The following ADCY7 variants were observed in gnomAD, a reference collection of about 807,000 sequenced individuals.
ADCY7 encodes the protein adenylate cyclase 7.
A neutral mutation model predicts 120.6 loss-of-function variants in ADCY7; 72 were observed. The observed-to-expected ratio is 0.60, with a 90% CI of 0.49 to 0.73. ADCY7 has a LOEUF of 0.73. ADCY7 is among the 30% of genes least tolerant of loss of function. The pLI is 0.00. For synonymous variants in ADCY7, 661 were observed against 628.0 expected (o/e 1.05, Z -0.78); for missense variants, 1,227 against 1,486.0 (o/e 0.83, Z 2.87).
rs75930568 is a variant in ADCY7, at chr16:50,290,507, G to A, written c.222G>A (p.Ala74=). Residue 74 remains alanine, a synonymous_variant, in exon 3 of 26, where the codon GCG becomes GCA. Coordinates refer to ENST00000673801, the MANE Select transcript of ADCY7 (RefSeq NM_001114.5). The stretch of plus-strand genomic sequence containing the variant: ...TGGGCATGGCGTTCCTGGTGCTGGC[G>A]GTGTTTGCGGCCCTCTCTGTGCTGA... The part of the protein sequence containing the change: ...AILGMAFLVL[A]VFAALSVLMY... The A allele has an allele frequency of 1.6e-5, 26 of 1,614,216 alleles. No individual in the cohort carries two copies. Among genetic ancestry groups the A allele is most frequent in the Non-Finnish European group, 1.9e-5 (23 of 1,180,040 alleles).
intron 1 of ADCY7, among the ~76,000 whole-genome samples, chr16:50,246,883 C>G (rs1052752759): frequency 1.3e-5 from 2 of 152,208 alleles, no homozygotes; most frequent in Non-Finnish European, 2.9e-5. Flanking sequence ...TGTCTCAGGT[C>G]CCCTCCCTCA....
At chr16:50,255,402 G>GGAAA (rs368044444) in intron 1 of ADCY7, among the ~76,000 whole-genome samples, 1 of 108,142 alleles carries the variant, frequency 9.2e-6, no homozygotes, top group African/African-American at 3.7e-5. Flanking sequence ...TCTGTTTCTG[G>GGAAA]AAAAAAAAAA....
chr16:50,269,670 T>A (rs1462109943), intron 1 of ADCY7, among the ~76,000 whole-genome samples: 1 of 152,170 alleles, frequency 6.6e-6, no homozygotes, highest in African/African-American at 2.4e-5. Context: ...CTTGCCTCCC[T>A]CCTGCTGTCC....
In ADCY7 at chr16:50,305,490, T is replaced by C; in HGVS notation, c.1596-13T>C. 1 of 1,612,396 alleles carries C rather than the reference T, an allele frequency of 6.2e-7. No homozygotes were observed. Among genetic ancestry groups the C allele is most frequent in the Non-Finnish European group, 8.5e-7 (1 of 1,178,960 alleles). On this transcript the variant is annotated splice_polypyrimidine_tract_variant and intron_variant, in intron 12 of 25. Transcript: ENST00000673801. ...GTCGCTGTGCTGATGCAGTTGTGGG[T>C]ATCTGATTCCAGAAGCATGTCCCCC...
Position 50,305,538 on chromosome 16 carries a change from C to G in ADCY7, c.1631C>G (p.Ser544Trp). 1 of 1,609,368 alleles carries G rather than the reference C, an allele frequency of 6.2e-7. No individual in the cohort carries two copies. Among genetic ancestry groups the G allele is most frequent in the Non-Finnish European group, 8.5e-7 (1 of 1,177,554 alleles). ...CCCAAGGGGCGGTCGGAGGATGACT[C>G]GTACGATGACGAGATGCTGTCAGCC... ...MSPKGRSEDD[S>W]YDDEMLSAIE... is the part of the protein sequence containing the mutation. Residue 544 changes from serine to tryptophan, a missense_variant, in exon 13 of 26, where the codon TCG becomes TGG. Ser to Trp is a radical substitution (Grantham distance 177). Around this residue, in one of 5 missense-constraint regions of ADCY7, gnomAD observed 332 missense variants for 455.8 expected, o/e 0.73. Transcript: ENST00000673801.
At chr16:50,304,285 G>C (rs920428233) in intron 10 of ADCY7, 75 bp from the exon 11 acceptor site, 1 of 1,322,768 alleles carries the variant, frequency 7.6e-7, no homozygotes, top group Non-Finnish European at 9.8e-7. Context: ...AGGGAGAGCT[G>C]GATGGGGATG....
In ADCY7 at chr16:50,316,268, G is replaced by A. The variant is rs1230558931; in HGVS notation, c.*763G>A. ...GGGGTCAGCTGGCTGTGGGGATAGA[G>A]TCCTGAGGAATGTGGTCACAGCAAG... is the stretch of plus-strand genomic sequence containing the variant. On this transcript the variant is annotated 3_prime_UTR_variant, in exon 26 of 26. Transcript: ENST00000673801. The A allele has an allele frequency of 6.6e-6, 1 of 152,460 alleles. No individual in the cohort carries two copies. The highest frequency in any genetic ancestry group is 1.5e-5 in the Non-Finnish European group (1 of 68,098). 9.4% of individuals were successfully genotyped at this position (152,460 alleles called of 1,614,324 possible).
chr16:50,271,028 C>T (rs1342231761), intron 1 of ADCY7, among the ~76,000 whole-genome samples: 2 of 152,244 alleles, frequency 1.3e-5, no homozygotes, highest in Admixed American at 1.3e-4. Flanking sequence ...CTGGCCACAT[C>T]ATGGCTAGGG....
rs370135791 is a variant in ADCY7 at position 50,257,107 on chromosome 16, C to T, written c.-64+10904C>T. On this transcript the variant is annotated intron_variant, in intron 1 of 4. Transcript: ENST00000564044. ...GAATCCAAGAAATCTAGGCTGTGTG[C>T]GGTGGCTCATGCCTGTCATCTCAGC... 3.5e-4 allele frequency among the ~76,000 whole-genome samples: 54 copies of T among 152,120 alleles called. No individual in the cohort carries two copies. In the East Asian group the frequency reaches 5.0e-3, roughly 14 times the overall value.
chr16:50,250,115 G>A (rs995346087), intron 1 of ADCY7, among the ~76,000 whole-genome samples: 2 of 152,216 alleles, frequency 1.3e-5, no homozygotes, highest in East Asian at 3.9e-4. Flanking sequence ...TATCTCAAAG[G>A]CCAAGGATTT....
chr16:50,256,452 C>T (rs989936939), intron 1 of ADCY7, among the ~76,000 whole-genome samples: 1 of 152,132 alleles, frequency 6.6e-6, no homozygotes, highest in Non-Finnish European at 1.5e-5. Context: ...CCTGTAATTC[C>T]AGCACTTTGG....
intron 4 of ADCY7, 67 bp downstream of exon 4, chr16:50,291,964 C>T: frequency 1.3e-6 from 2 of 1,515,084 alleles, no homozygotes; most frequent in Non-Finnish European, 1.8e-6. Flanking sequence ...ATGGGGGGGC[C>T]CCCTCTGGGT....
At chr16:50,272,377 C>G (rs187284097) in intron 1 of ADCY7, among the ~76,000 whole-genome samples, 15 of 152,312 alleles carry the variant, frequency 9.8e-5, no homozygotes, top group Admixed American at 3.9e-4. Flanking sequence ...CAGCTTTCCT[C>G]ATGCTGGCCT....
rs141193501 is a variant in ADCY7, at chr16:50,291,844, C to T, written c.484C>T (p.Leu162Phe). Residue 162 changes from leucine to phenylalanine, a missense_variant, in exon 4 of 26, where the codon CTC (leucine) becomes TTC (phenylalanine). Leu to Phe is a conservative substitution (Grantham distance 22). Transcript: ENST00000673801. ...CTCCACTGCCTCCCACCTCCTGGTGCTCGGTTCTTTGATGGGAGGCTTCAC... is the reference window on the plus strand; with the variant it reads ...CTCCACTGCCTCCCACCTCCTGGTGTTCGGTTCTTTGATGGGAGGCTTCAC... ...AVSTASHLLV[L>F]GSLMGGFTTP... is the part of the protein sequence containing the mutation. The T allele has an allele frequency of 1.1e-5, 18 of 1,613,990 alleles. No individual in the cohort carries two copies. In the African/African-American group the frequency reaches 2.0e-4, roughly 18 times the overall value.
rs1376741569 is a variant in ADCY7, at chr16:50,310,795, G to A, written c.2269G>A (p.Val757Met). 6.2e-7 allele frequency: 1 copy of A among 1,614,144 alleles called. No individual in the cohort carries two copies. The highest frequency in any genetic ancestry group is 8.5e-7 in the Non-Finnish European group (1 of 1,180,018). Residue 757 changes from valine to methionine, a missense_variant, in exon 19 of 26, where the codon GTG (valine) becomes ATG (methionine). This residue lies in a region of ADCY7 where 267 missense variants were observed against 270.0 expected (regional missense o/e 0.99). Coordinates refer to ENST00000673801, the MANE Select transcript of ADCY7 (RefSeq NM_001114.5). Reference protein sequence around the residue: ...LLTVALVAYLVLFNLSPCWQW... With the variant: ...LLTVALVAYLMLFNLSPCWQW... ...GACAGTGGCCCTGGTGGCCTACCTG[G>A]TGCTCTTCAACCTCTCCCCATGCTG... is the stretch of plus-strand genomic sequence containing the variant.
upstream of ADCY7, among the ~76,000 whole-genome samples, chr16:50,245,911 G>T (rs1222353274): frequency 7.8e-6 from 1 of 128,614 alleles, no homozygotes; most frequent in African/African-American, 2.9e-5. Context: ...TTGCCCGGCC[G>T]CTCCCTCCCG....
chr16:50,311,299 C>A (rs1698641085), intron 19 of ADCY7, among the ~76,000 whole-genome samples: 1 of 152,100 alleles, frequency 6.6e-6, no homozygotes, highest in South Asian at 2.1e-4. Flanking sequence ...ACCTGGCCCC[C>A]CTAAACAAAA....
chr16:50,283,911 G>A (rs995410944), intron 1 of ADCY7, among the ~76,000 whole-genome samples: 1 of 152,178 alleles, frequency 6.6e-6, no homozygotes, highest in Non-Finnish European at 1.5e-5. Context: ...GAGCCCCCCC[G>A]TCATGGAGGT....
chr16:50,312,853 G>T (rs572294771), intron 21 of ADCY7, 37 bp from the exon 22 acceptor site: 2 of 1,610,898 alleles, frequency 1.2e-6, no homozygotes, highest in Admixed American at 1.7e-5. Context: ...CCCCTCAAGA[G>T]GTGAAGTGGT....
Sources: gnomAD v4.1 joint callset for allele counts (sites outside exome capture counted in the v4.1 genomes callset) on GRCh38, gnomAD v4.1.1 for gene constraint, gnomAD v4.1.1 regional missense constraint, MANE v1.5 for transcripts, NCBI Gene and HGNC (gene_info 2026-07-23, HGNC 2026-07-21) for gene names.